Variants in TSHZ2 observed in about 807,000 individuals in gnomAD.
TSHZ2 encodes teashirt zinc finger homeobox 2.
In TSHZ2, 21 loss-of-function variants were observed where a neutral mutation model predicts 74.4. The ratio of observed to expected loss-of-function variants is 0.28; its 90% confidence interval spans 0.20 to 0.41. The LOEUF (loss-of-function observed/expected upper bound fraction) is 0.41, where lower values mean the gene tolerates loss of function less well. Ranked by LOEUF, TSHZ2 falls within the 10% of genes least tolerant of loss-of-function variation. TSHZ2 has a pLI of 1.00. For synonymous variants in TSHZ2, 540 were observed against 515.3 expected (o/e 1.05, Z -0.65); for missense variants, 1,244 against 1,293.5 (o/e 0.96, Z 0.59).
chr20:53,257,575 G>A (rs1418836772), intron 2 of TSHZ2, among the ~76,000 whole-genome samples: 1 of 152,192 alleles, frequency 6.6e-6, no homozygotes, highest in Admixed American at 6.5e-5. Flanking sequence ...GGATAAGCAA[G>A]GCTGGGTCTT....
chr20:53,475,668 C>A (rs1340758799), intron 2 of TSHZ2, among the ~76,000 whole-genome samples: 2 of 135,676 alleles, frequency 1.5e-5, no homozygotes, highest in East Asian at 4.7e-4. Context: ...CAGAGCAGAA[C>A]TGAAGGAAAT....
chr20:53,315,834 G>A (rs147798309), intron 2 of TSHZ2, among the ~76,000 whole-genome samples: 123 of 152,322 alleles, frequency 8.1e-4, no homozygotes, highest in Middle Eastern at 3.4e-3. Context: ...AAGGGTAGAA[G>A]CTAGATTTTA....
chr20:53,016,505 C>T (rs1983044787), intron 1 of TSHZ2, among the ~76,000 whole-genome samples: 1 of 152,186 alleles, frequency 6.6e-6, no homozygotes, highest in Non-Finnish European at 1.5e-5. Context: ...CCTGTCTCCA[C>T]CCATCCTCAA....
intron 2 of TSHZ2, among the ~76,000 whole-genome samples, chr20:53,384,044 A>G (rs1472249092): frequency 1.3e-5 from 2 of 152,018 alleles, no homozygotes; most frequent in Admixed American, 6.6e-5. Flanking sequence ...CCTTTTTGCT[A>G]TTTTCGAAAC....
At chr20:53,228,507 C>T (rs1243891864) in intron 1 of TSHZ2, among the ~76,000 whole-genome samples, 2 of 152,168 alleles carry the variant, frequency 1.3e-5, no homozygotes, top group Non-Finnish European at 2.9e-5. Flanking sequence ...TATTGAGATT[C>T]GGGGTCCGGT....
At chr20:53,305,045 C>A (rs569779388) in intron 2 of TSHZ2, among the ~76,000 whole-genome samples, 11 of 152,112 alleles carry the variant, frequency 7.2e-5, no homozygotes, top group Admixed American at 1.3e-4. Flanking sequence ...ACGCCATTCT[C>A]CTGCCTCAGC....
chr20:53,416,968 A>G (rs915210405), intron 2 of TSHZ2, among the ~76,000 whole-genome samples: 1 of 152,208 alleles, frequency 6.6e-6, no homozygotes, highest in African/African-American at 2.4e-5. Flanking sequence ...AAGTTTTGGA[A>G]TAGAAAATGT....
At chr20:53,299,518 C>T (rs985144432) in intron 2 of TSHZ2, among the ~76,000 whole-genome samples, 32 of 152,168 alleles carry the variant, frequency 2.1e-4, no homozygotes, top group Non-Finnish European at 2.9e-4. Flanking sequence ...TTGTCATTAA[C>T]GTCATCTTTT....
In TSHZ2 at chr20:53,255,103, C is replaced by T; in HGVS notation, c.1645C>T (p.Gln549Ter). 6.2e-7 allele frequency: 1 copy of T among 1,614,166 alleles called. No individual in the cohort carries two copies. Among genetic ancestry groups the T allele is most frequent in the Non-Finnish European group, 8.5e-7 (1 of 1,180,040 alleles). The stretch of plus-strand genomic sequence containing the variant: ...CTACCCCAGCATCCACGCAGCCTAC[C>T]AGCTGTCTGAGGGCACCAAGCCGCC... ...SAYPSIHAAY[Q>*]LSEGTKPPLP... Residue 549 changes from glutamine (Q) to a stop codon, truncating the protein, a stop_gained, in exon 2 of 3, where the codon CAG becomes TAG. Coordinates refer to ENST00000371497, the MANE Select transcript of TSHZ2 (RefSeq NM_173485.6). LOFTEE classifies it high-confidence loss of function. The surrounding 1 kb of genome is among the most constrained non-coding windows in gnomAD (Gnocchi z 4.1).
intron 2 of TSHZ2, among the ~76,000 whole-genome samples, chr20:53,371,383 A>C (rs1179413464): frequency 1.3e-5 from 2 of 152,238 alleles, no homozygotes; most frequent in Non-Finnish European, 2.9e-5. Flanking sequence ...AATGTGAGAG[A>C]GTTCATACGG....
chr20:53,328,567 G>A (rs1327704060), intron 2 of TSHZ2, among the ~76,000 whole-genome samples: 1 of 152,186 alleles, frequency 6.6e-6, no homozygotes, highest in East Asian at 1.9e-4. Context: ...ATTGATAATT[G>A]ATTATTCAAC....
At chr20:53,003,095 G>A (rs1031505049) in intron 1 of TSHZ2, among the ~76,000 whole-genome samples, 3 of 152,158 alleles carry the variant, frequency 2.0e-5, no homozygotes, top group African/African-American at 4.8e-5. Context: ...TCGAGCTTAA[G>A]AGATAACAAA....
At chr20:53,050,825 TA>T (rs1335726131) in intron 1 of TSHZ2, among the ~76,000 whole-genome samples, 4 of 152,148 alleles carry the variant, frequency 2.6e-5, no homozygotes, top group Non-Finnish European at 5.9e-5. Context: ...AGGAGATAAC[TA>T]TTTGGGAGCT....
chr20:53,288,045 T>G (rs1476761616), intron 2 of TSHZ2, among the ~76,000 whole-genome samples: 1 of 152,168 alleles, frequency 6.6e-6, no homozygotes, highest in Admixed American at 6.5e-5. Context: ...AACTTGAGTC[T>G]TCAACCTAAT....
At chr20:53,372,370 G>A (rs768262851) in intron 2 of TSHZ2, among the ~76,000 whole-genome samples, 1 of 152,096 alleles carries the variant, frequency 6.6e-6, no homozygotes, top group African/African-American at 2.4e-5. Flanking sequence ...CCAGCCACTC[G>A]GGAGGCTGAG....
chr20:53,130,303 T>C (rs1202604940), intron 1 of TSHZ2, among the ~76,000 whole-genome samples: 1 of 150,760 alleles, frequency 6.6e-6, no homozygotes, highest in Admixed American at 6.6e-5. Flanking sequence ...AAGCCAAAGG[T>C]GAATTTTATT....
intron 2 of TSHZ2, among the ~76,000 whole-genome samples, chr20:53,407,845 C>T (rs1307650503): frequency 1.3e-5 from 2 of 152,216 alleles, no homozygotes; most frequent in Admixed American, 6.5e-5. Flanking sequence ...GACTGCATTC[C>T]AATACCACTT....
intron 2 of TSHZ2, among the ~76,000 whole-genome samples, chr20:53,346,222 A>G (rs974702350): frequency 2.0e-5 from 3 of 152,146 alleles, no homozygotes; most frequent in Non-Finnish European, 4.4e-5. Context: ...GACAGAACTC[A>G]CTTTCCATGT....
chr20:53,428,985 C>G (rs1041182249), intron 2 of TSHZ2, among the ~76,000 whole-genome samples: 1 of 152,194 alleles, frequency 6.6e-6, no homozygotes, highest in African/African-American at 2.4e-5. Context: ...TTGCTTTTGT[C>G]TCTGGAAAAT....
Sources: allele counts gnomAD v4.1 joint callset (sites outside exome capture counted in the v4.1 genomes callset), GRCh38; gene constraint gnomAD v4.1.1; non-coding constraint Gnocchi (gnomAD v3.1); transcripts MANE v1.5; gene names NCBI Gene and HGNC (gene_info 2026-07-23, HGNC 2026-07-21).